Variants in ARHGAP10 observed in about 807,000 individuals in gnomAD.
ARHGAP10 encodes rho GTPase-activating protein 10.
In ARHGAP10, 87 loss-of-function variants were observed where a neutral mutation model predicts 108.6. That is an observed-to-expected ratio of 0.80 (90% CI 0.67 to 0.96). The LOEUF is 0.96. ARHGAP10 is among the 40% of genes least tolerant of loss of function. ARHGAP10 has a pLI of 0.00. For missense variants in ARHGAP10, 939 were observed against 954.5 expected, an observed-to-expected ratio of 0.98 and a Z score of 0.21; for synonymous variants, 347 against 341.1, an observed-to-expected ratio of 1.02 and a Z score of -0.19.
chr4:147,988,489 T>C (rs1375026440), intron 18 of ARHGAP10, among the ~76,000 whole-genome samples: 1 of 152,194 alleles, frequency 6.6e-6, no homozygotes, highest in Non-Finnish European at 1.5e-5. Flanking sequence ...AGCCTTTTCC[T>C]CTATCTAGCT....
chr4:147,882,176 T>C (rs1735354382), intron 10 of ARHGAP10, among the ~76,000 whole-genome samples: 1 of 151,896 alleles, frequency 6.6e-6, no homozygotes, highest in Admixed American at 6.6e-5. Context: ...AAAAATAACC[T>C]TGGAGGCCAG....
At chr4:147,818,460 G>A (rs1003987827) in intron 1 of ARHGAP10, among the ~76,000 whole-genome samples, 1 of 151,862 alleles carries the variant, frequency 6.6e-6, no homozygotes, top group African/African-American at 2.4e-5. Flanking sequence ...CAGCCACTTG[G>A]GAGGCTGAGG....
At chr4:147,925,617 GA>G (rs1360881758) in intron 13 of ARHGAP10, among the ~76,000 whole-genome samples, 2 of 151,982 alleles carry the variant, frequency 1.3e-5, no homozygotes, top group Non-Finnish European at 2.9e-5. Context: ...GGTATTAGAG[GA>G]AAAAATACTA....
chr4:147,905,188 A>T (rs1244775818), intron 10 of ARHGAP10, among the ~76,000 whole-genome samples: 84 of 152,214 alleles, frequency 5.5e-4, no homozygotes, highest in South Asian at 4.1e-3. Flanking sequence ...AGGTTGCCTG[A>T]TCACTCTGAT....
At chr4:147,924,782 G>T (rs1432595508) in intron 13 of ARHGAP10, among the ~76,000 whole-genome samples, 1 of 152,154 alleles carries the variant, frequency 6.6e-6, no homozygotes, top group Non-Finnish European at 1.5e-5. Flanking sequence ...TCTGTGAAAA[G>T]GGATAAGGAT....
chr4:147,990,111 G>A (rs1047228209), intron 18 of ARHGAP10, among the ~76,000 whole-genome samples: 1 of 152,164 alleles, frequency 6.6e-6, no homozygotes, highest in Non-Finnish European at 1.5e-5. Flanking sequence ...ATTGATTGGA[G>A]GGCAGATGAA....
intron 13 of ARHGAP10, among the ~76,000 whole-genome samples, chr4:147,922,637 G>A (rs1737293232): frequency 7.0e-6 from 1 of 143,108 alleles, no homozygotes; most frequent in South Asian, 2.2e-4. Flanking sequence ...GCAGTGAGCC[G>A]AGATCCCGCC....
intron 1 of ARHGAP10, among the ~76,000 whole-genome samples, chr4:147,762,728 C>T (rs1440442829): frequency 6.6e-6 from 1 of 151,748 alleles, no homozygotes; most frequent in Non-Finnish European, 1.5e-5. Context: ...AGATGGGTTT[C>T]ACCGTGCTAG....
chr4:148,030,441 G>A (rs558304854), intron 19 of ARHGAP10, among the ~76,000 whole-genome samples: 1 of 152,334 alleles, frequency 6.6e-6, no homozygotes, highest in African/African-American at 2.4e-5. Context: ...GCTGTCAAGA[G>A]TGACTGATTT....
chr4:147,844,752 T>G (rs1200544740), intron 3 of ARHGAP10, among the ~76,000 whole-genome samples: 1 of 152,242 alleles, frequency 6.6e-6, no homozygotes, highest in Non-Finnish European at 1.5e-5. Context: ...TCTTTACTTC[T>G]GTTGTTGGTT....
At chr4:147,929,316 T>C (rs1385239280) in intron 13 of ARHGAP10, among the ~76,000 whole-genome samples, 1 of 152,210 alleles carries the variant, frequency 6.6e-6, no homozygotes, top group Non-Finnish European at 1.5e-5. Flanking sequence ...ATCTTAAATT[T>C]ATGATGGTGA....
chr4:147,780,538 G>A (rs894615867), intron 1 of ARHGAP10, among the ~76,000 whole-genome samples: 5 of 113,456 alleles, frequency 4.4e-5, no homozygotes, highest in Non-Finnish European at 7.4e-5. Context: ...AGACTTTAGG[G>A]CCTTGGGAAG....
intron 18 of ARHGAP10, among the ~76,000 whole-genome samples, chr4:148,018,169 G>C: frequency 6.6e-6 from 1 of 152,194 alleles, no homozygotes; most frequent in Non-Finnish European, 1.5e-5. Context: ...TCACCCTGTG[G>C]GGAAAAAGTT....
chr4:147,972,235 G>A (rs1739439559), intron 18 of ARHGAP10, among the ~76,000 whole-genome samples: 1 of 152,126 alleles, frequency 6.6e-6, no homozygotes, highest in Non-Finnish European at 1.5e-5. Flanking sequence ...GGATGCTCAT[G>A]ATGTTACATG....
At chr4:147,871,956 A>G (rs555283947) in intron 7 of ARHGAP10, among the ~76,000 whole-genome samples, 6 of 152,184 alleles carry the variant, frequency 3.9e-5, no homozygotes, top group Non-Finnish European at 8.8e-5. Context: ...GAGAAAAATT[A>G]GCTGGAGGTG....
chr4:147,850,524 G>A (rs1458375206), intron 4 of ARHGAP10, among the ~76,000 whole-genome samples: 1 of 152,156 alleles, frequency 6.6e-6, no homozygotes, highest in Admixed American at 6.6e-5. Context: ...CCACCTTTAA[G>A]AGCTGTAACA....
intron 10 of ARHGAP10, among the ~76,000 whole-genome samples, chr4:147,890,021 T>TA (rs1440137062): frequency 2.0e-5 from 3 of 152,236 alleles, no homozygotes; most frequent in Non-Finnish European, 4.4e-5. Context: ...AGACAGCATA[T>TA]AGCACTGTTC....
intron 8 of ARHGAP10, among the ~76,000 whole-genome samples, chr4:147,877,700 C>A (rs1254447936): frequency 6.6e-6 from 1 of 152,078 alleles, no homozygotes; most frequent in Admixed American, 6.5e-5. Context: ...CAGCATTGTC[C>A]TGTGAGCCCT....
At chr4:147,748,921 T>G (rs560862906) in intron 1 of ARHGAP10, among the ~76,000 whole-genome samples, 1 of 152,174 alleles carries the variant, frequency 6.6e-6, no homozygotes, top group African/African-American at 2.4e-5. Context: ...ATCATGCCAC[T>G]GTATTCCAGC....
Sources: allele counts gnomAD v4.1 joint callset (sites outside exome capture counted in the v4.1 genomes callset), GRCh38; gene constraint gnomAD v4.1.1; transcripts MANE v1.5; gene names NCBI Gene and HGNC (gene_info 2026-07-23, HGNC 2026-07-21).